The following WDR7 variants were observed in gnomAD, a reference collection of about 807,000 sequenced individuals.
WDR7 encodes the protein WD repeat-containing protein 7.
WDR7 carries 46 observed loss-of-function variants against 169.4 expected under a neutral mutation model. The ratio of observed to expected loss-of-function variants is 0.27; its 90% CI spans 0.21 to 0.35. The LOEUF is 0.35. Ranked by LOEUF, WDR7 falls within the 10% of genes least tolerant of loss-of-function variation. The pLI is 1.00. For synonymous variants in WDR7, 612 were observed against 666.8 expected (o/e 0.92, Z 1.27); for missense variants, 1,534 against 1,859.3 (o/e 0.83, Z 3.22).
intron 22 of WDR7, among the ~76,000 whole-genome samples, chr18:56,934,868 A>G (rs2145685289): frequency 6.6e-6 from 1 of 152,306 alleles, no homozygotes; most frequent in African/African-American, 2.4e-5. Flanking sequence ...AACTCGGGAA[A>G]CTATAATTGT....
At chr18:56,736,733 G>A (rs1218937749) in intron 14 of WDR7, among the ~76,000 whole-genome samples, 1 of 152,076 alleles carries the variant, frequency 6.6e-6, no homozygotes, top group East Asian at 1.9e-4. Context: ...TCAGGGTACA[G>A]TGAGCTGAGT....
Position 56,695,021 on chromosome 18 carries a change from A to G in WDR7, c.1180A>G (p.Ile394Val). 6.2e-7 allele frequency: 1 copy of G among 1,614,212 alleles called. No homozygotes were observed. Among genetic ancestry groups the G allele is most frequent in the Non-Finnish European group, 8.5e-7 (1 of 1,180,030 alleles). The change falls in exon 11 of 28, where the codon ATA (isoleucine) becomes GTA (valine). Residue 394 changes from isoleucine (I) to valine (V), a missense_variant. Transcript: ENST00000254442. ...DKLNPCPAGI[I>V]DQLSVIPNSN... Reference sequence around the variant, plus strand: ...ACTGAATCCTTGTCCTGCTGGAATTATAGATCAGCTGAGTGTGATTCCCAA... The same window carrying G: ...ACTGAATCCTTGTCCTGCTGGAATTGTAGATCAGCTGAGTGTGATTCCCAA...
chr18:56,767,034 CA>C (rs2044078776), intron 16 of WDR7, among the ~76,000 whole-genome samples: 2 of 152,218 alleles, frequency 1.3e-5, no homozygotes, highest in South Asian at 4.1e-4. Context: ...GCAGTTATGT[CA>C]TGTGGAAACA....
intron 20 of WDR7, among the ~76,000 whole-genome samples, chr18:56,854,670 T>G (rs2145382163): frequency 6.6e-6 from 1 of 152,272 alleles, no homozygotes; most frequent in South Asian, 2.1e-4. Context: ...CTATGTAGCG[T>G]TTTTTCCTCC....
rs1230193295 is a variant in WDR7, at chr18:56,749,373, AGTGTGTGTGTGTTT to A, written c.1990-7197_1990-7184del. 2.5e-3 allele frequency among the ~76,000 whole-genome samples: 319 copies of A among 127,152 alleles called. 1 individual carries two copies. The highest frequency in any genetic ancestry group is 9.1e-3 in the African/African-American group (300 of 32,940). The allele number at this position is 127,152 out of a possible 152,430, so 83.4% of individuals were successfully genotyped here. On this transcript the variant is annotated intron_variant, in intron 14 of 27. Transcript: ENST00000254442. Reference sequence around the variant, plus strand: ...GACTCAAAGTATTAATATCTATAGAAGTGTGTGTGTGTTTGTGTGTGTGTGTGTGTGTGTGTGTG... The same window carrying A: ...GACTCAAAGTATTAATATCTATAGAAGTGTGTGTGTGTGTGTGTGTGTGTG...
At chr18:56,721,586 G>A (rs2026322121) in intron 13 of WDR7, 1 of 152,204 alleles carries the variant, frequency 6.6e-6, no homozygotes, top group East Asian at 1.9e-4. Flanking sequence ...TATTAAAGGT[G>A]GGTCACTGAC....
At chr18:56,894,195 C>T (rs576897117) in intron 21 of WDR7, among the ~76,000 whole-genome samples, 36 of 152,120 alleles carry the variant, frequency 2.4e-4, no homozygotes, top group South Asian at 4.2e-4. Context: ...CGGGTTCCTG[C>T]GAAGGCTTCC....
At chr18:56,996,526 C>T (rs1486259857) in intron 26 of WDR7, among the ~76,000 whole-genome samples, 2 of 152,114 alleles carry the variant, frequency 1.3e-5, no homozygotes, top group Non-Finnish European at 2.9e-5. Flanking sequence ...GTAGTTTTGA[C>T]AAATGGTTGT....
intron 12 of WDR7, among the ~76,000 whole-genome samples, chr18:56,698,496 C>T (rs887588975): frequency 7.9e-5 from 12 of 151,362 alleles, no homozygotes; most frequent in Non-Finnish European, 1.6e-4. Flanking sequence ...GTCCCAGCTA[C>T]TTGGGAGGCT....
chr18:56,921,405 A>G (rs1346813078), intron 21 of WDR7, among the ~76,000 whole-genome samples: 1 of 152,218 alleles, frequency 6.6e-6, no homozygotes, highest in African/African-American at 2.4e-5. Flanking sequence ...CTGCCCTGCC[A>G]AAACTGTAGG....
chr18:56,729,732 AT>A (rs2026541991), intron 13 of WDR7, among the ~76,000 whole-genome samples: 1 of 152,174 alleles, frequency 6.6e-6, no homozygotes, highest in African/African-American at 2.4e-5. Context: ...ATATGGTATC[AT>A]TATTTAGCAT....
intron 21 of WDR7, among the ~76,000 whole-genome samples, chr18:56,880,987 A>G (rs990274321): frequency 6.6e-6 from 1 of 152,230 alleles, no homozygotes; most frequent in African/African-American, 2.4e-5. Context: ...ACATCACAAA[A>G]TATTCTTGTA....
chr18:56,847,162 A>G (rs551471873), intron 20 of WDR7, among the ~76,000 whole-genome samples: 1 of 152,338 alleles, frequency 6.6e-6, no homozygotes, highest in East Asian at 1.9e-4. Context: ...AGATGAAAAC[A>G]TGAAAGTTAT....
chr18:56,727,229 C>T (rs1462999999), intron 13 of WDR7, among the ~76,000 whole-genome samples: 1 of 152,262 alleles, frequency 6.6e-6, no homozygotes, highest in East Asian at 1.9e-4. Flanking sequence ...ATTACTCCAT[C>T]TTGGCTGGAA....
At chr18:56,756,516 T>G in intron 14 of WDR7, 67 bp from the exon 15 acceptor site, 1 of 1,283,030 alleles carries the variant, frequency 7.8e-7, no homozygotes, top group Non-Finnish European at 1.0e-6. Context: ...TTATTTATTG[T>G]TTATTAATGA....
At chr18:56,791,508 CTGTT>C (rs2044485281) in intron 19 of WDR7, among the ~76,000 whole-genome samples, 1 of 151,798 alleles carries the variant, frequency 6.6e-6, no homozygotes, top group African/African-American at 2.4e-5. Context: ...TGATTTTTAT[CTGTT>C]TGTTTTTTTT....
chr18:56,838,833 A>G lies in WDR7; in HGVS notation c.3304+22689A>G, dbSNP rs2045435009. On this transcript the variant is annotated intron_variant, in intron 20 of 27. Transcript: ENST00000254442. ...TCAACATCATTTTTAAGGGTTTGAAATTTCATTAGCTTTAAGTTTTTTTAT... is the reference window on the plus strand; with the variant it reads ...TCAACATCATTTTTAAGGGTTTGAAGTTTCATTAGCTTTAAGTTTTTTTAT... 2.0e-5 allele frequency among the ~76,000 whole-genome samples: 3 copies of G among 152,294 alleles called. No individual in the cohort carries two copies. The South Asian group carries it at 6.2e-4, about 32-fold the overall frequency.
At chr18:56,780,202 T>G (rs879140504) in intron 18 of WDR7, among the ~76,000 whole-genome samples, 1 of 152,210 alleles carries the variant, frequency 6.6e-6, no homozygotes, top group Non-Finnish European at 1.5e-5. Flanking sequence ...GTTAATGGCC[T>G]TATTCTATAT....
intron 26 of WDR7, among the ~76,000 whole-genome samples, chr18:56,988,554 G>T (rs1217691699): frequency 6.7e-6 from 1 of 150,242 alleles, no homozygotes; most frequent in African/African-American, 2.4e-5. Flanking sequence ...TTTTTTAAAG[G>T]TAAGTTTCCT....
Sources: allele counts gnomAD v4.1 joint callset (sites outside exome capture counted in the v4.1 genomes callset), GRCh38; gene constraint gnomAD v4.1.1; transcripts MANE v1.5; gene names NCBI Gene and HGNC (gene_info 2026-07-23, HGNC 2026-07-21).